KCTD16: variants seen among roughly 807,000 people sequenced by gnomAD.
KCTD16 encodes potassium channel tetramerization domain containing 16, also known as BTB/POZ domain-containing protein KCTD16.
In KCTD16, 13 loss-of-function variants were observed where a neutral mutation model predicts 33.2. The observed-to-expected ratio is 0.39, with a 90% CI of 0.25 to 0.62. KCTD16 has a LOEUF of 0.62. KCTD16 is among the 20% of genes least tolerant of loss of function. The pLI, the probability that KCTD16 is intolerant of heterozygous loss-of-function variation, is 0.50. For synonymous variants in KCTD16, 197 were observed against 195.3 expected (o/e 1.01, Z -0.07); for missense variants, 441 against 525.1 (o/e 0.84, Z 1.57).
intron 3 of KCTD16, among the ~76,000 whole-genome samples, chr5:144,375,891 A>G (rs1752080309): frequency 1.3e-5 from 2 of 151,286 alleles, no homozygotes; most frequent in Non-Finnish European, 2.9e-5. Context: ...GCTCACTGCA[A>G]CCTCCGCCTC....
At chr5:144,390,259 T>C (rs1216046108) in intron 3 of KCTD16, among the ~76,000 whole-genome samples, 1 of 152,202 alleles carries the variant, frequency 6.6e-6, no homozygotes, top group Non-Finnish European at 1.5e-5. Context: ...CTACCTAACG[T>C]GATTTTAAAT....
At chr5:144,348,508 G>A (rs910580438) in intron 3 of KCTD16, among the ~76,000 whole-genome samples, 2 of 152,162 alleles carry the variant, frequency 1.3e-5, no homozygotes, top group African/African-American at 4.8e-5. Flanking sequence ...TGTTACTTCA[G>A]CCTATTGAGC....
intron 3 of KCTD16, among the ~76,000 whole-genome samples, chr5:144,453,109 C>T (rs1196670404): frequency 6.6e-6 from 1 of 152,128 alleles, no homozygotes; most frequent in East Asian, 1.9e-4. Context: ...TGGTTAGGGC[C>T]ATGATCTGTA....
At chr5:144,334,599 C>T (rs1236194466) in intron 3 of KCTD16, among the ~76,000 whole-genome samples, 1 of 152,096 alleles carries the variant, frequency 6.6e-6, no homozygotes, top group Non-Finnish European at 1.5e-5. Flanking sequence ...TGCACTTTGT[C>T]TCCACGATTT....
At chr5:144,199,190 C>CAGA (rs1197682353) in intron 2 of KCTD16, among the ~76,000 whole-genome samples, 119 of 152,272 alleles carry the variant, frequency 7.8e-4, no homozygotes, top group African/African-American at 2.8e-3. Flanking sequence ...CCACTTGTAT[C>CAGA]TGTTGCATAT....
At chr5:144,380,623 G>T (rs1752192911) in intron 3 of KCTD16, among the ~76,000 whole-genome samples, 1 of 152,050 alleles carries the variant, frequency 6.6e-6, no homozygotes, top group South Asian at 2.1e-4. Flanking sequence ...AAACAGCATG[G>T]TACTGGTACA....
At chr5:144,377,598 T>A (rs1752121905) in intron 3 of KCTD16, 1 of 152,174 alleles carries the variant, frequency 6.6e-6, no homozygotes. Context: ...GCTACATACA[T>A]TTAAAACTCT....
chr5:144,205,833 T>C (rs1753153806), intron 2 of KCTD16: 1 of 353,854 alleles, frequency 2.8e-6, no homozygotes, highest in Non-Finnish European at 5.0e-6. Flanking sequence ...CATACATACA[T>C]AAATACAAAT....
chr5:144,353,226 C>T (rs1299097721), intron 3 of KCTD16, among the ~76,000 whole-genome samples: 2 of 152,182 alleles, frequency 1.3e-5, no homozygotes, highest in Non-Finnish European at 2.9e-5. Context: ...CAATAAATTC[C>T]TTACATGGGT....
intron 3 of KCTD16, among the ~76,000 whole-genome samples, chr5:144,373,365 A>G (rs1752013075): frequency 6.6e-6 from 1 of 152,214 alleles, no homozygotes. Context: ...TAAGTTAATT[A>G]AATTAACTCT....
At chr5:144,273,138 A>T (rs1455749173) in intron 3 of KCTD16, among the ~76,000 whole-genome samples, 1 of 152,102 alleles carries the variant, frequency 6.6e-6, no homozygotes, top group Non-Finnish European at 1.5e-5. Flanking sequence ...AAAATAAACA[A>T]CCCAATTTAA....
chr5:144,291,168 G>C (rs1755886666), intron 3 of KCTD16, among the ~76,000 whole-genome samples: 1 of 152,156 alleles, frequency 6.6e-6, no homozygotes, highest in African/African-American at 2.4e-5. Context: ...AAAGACATGG[G>C]TTCAAGCATG....
intron 2 of KCTD16, among the ~76,000 whole-genome samples, chr5:144,179,892 A>C (rs1422712172): frequency 1.3e-5 from 2 of 152,250 alleles, no homozygotes; most frequent in Non-Finnish European, 2.9e-5. Context: ...CACAATATAC[A>C]ACAAACAGAT....
At chr5:144,263,131 T>C (rs1490120617) in intron 3 of KCTD16, among the ~76,000 whole-genome samples, 1 of 152,214 alleles carries the variant, frequency 6.6e-6, no homozygotes, top group East Asian at 1.9e-4. Flanking sequence ...ACCTTAGTAA[T>C]CATTATAATG....
chr5:144,410,319 T>C (rs1029663535), intron 3 of KCTD16, among the ~76,000 whole-genome samples: 8 of 152,232 alleles, frequency 5.3e-5, no homozygotes, highest in Non-Finnish European at 2.9e-5. Context: ...AAATTATTTA[T>C]TCTTCATGAC....
intron 3 of KCTD16, among the ~76,000 whole-genome samples, chr5:144,336,685 A>T (rs2126895500): frequency 6.6e-6 from 1 of 152,258 alleles, no homozygotes; most frequent in Non-Finnish European, 1.5e-5. Context: ...AGATTTCTGG[A>T]TGAAAAAGAC....
chr5:144,230,022 G>A (rs1450791200), intron 3 of KCTD16, among the ~76,000 whole-genome samples: 1 of 152,092 alleles, frequency 6.6e-6, no homozygotes, highest in African/African-American at 2.4e-5. Context: ...TGTGCCTGTG[G>A]TCCTAGCTAC....
chr5:144,335,728 A>G (rs904553330), intron 3 of KCTD16, among the ~76,000 whole-genome samples: 1 of 152,166 alleles, frequency 6.6e-6, no homozygotes, highest in Non-Finnish European at 1.5e-5. Flanking sequence ...ATTGAAACAG[A>G]AACAGAAAAG....
chr5:144,280,743 T>C (rs1755578661), intron 3 of KCTD16, among the ~76,000 whole-genome samples: 2 of 152,142 alleles, frequency 1.3e-5, no homozygotes, highest in Non-Finnish European at 2.9e-5. Flanking sequence ...GCTAACATGG[T>C]GAAACCCCAT....
Sources: gnomAD v4.1 joint callset for allele counts (sites outside exome capture counted in the v4.1 genomes callset) on GRCh38, gnomAD v4.1.1 for gene constraint, MANE v1.5 for transcripts, NCBI Gene and HGNC (gene_info 2026-07-23, HGNC 2026-07-21) for gene names.